Variants in FUS observed in about 807,000 individuals in gnomAD.
FUS encodes RNA-binding protein FUS.
Under a neutral mutation model 82.7 loss-of-function variants are expected in FUS, and 5 were observed. That is an observed-to-expected ratio of 0.06 (90% CI 0.03 to 0.13). The LOEUF is 0.13. Among genes scored for constraint, FUS ranks in the 10% least tolerant of loss-of-function variants. The pLI is 1.00. For synonymous variants in FUS, 281 were observed against 247.4 expected, an observed-to-expected ratio of 1.14 and a Z score of -1.27; for missense variants, 512 against 707.8, an observed-to-expected ratio of 0.72 and a Z score of 3.14.
chr16:31,193,788 T>C (rs1399923325), downstream of FUS: 1 of 523,136 alleles, frequency 1.9e-6, no homozygotes, highest in East Asian at 4.0e-5. Context: ...GCTTCCTCGC[T>C]ACCACACCTG....
Position 31,186,832 on chromosome 16 carries a change from T to C in FUS, c.795T>C (p.Phe265=), listed in dbSNP as rs778939000. 2 of 1,614,040 alleles carry C rather than the reference T, an allele frequency of 1.2e-6. No homozygotes were observed. Among genetic ancestry groups the C allele is most frequent in the South Asian group, 2.2e-5 (2 of 91,084 alleles). ...GTGACCGTGGTGGCTTCAATAAATT[T>C]GGTGGTAAGTGAACAGAGTTTCCAA... ...GGSDRGGFNK[F]GGPRDQGSRH... Residue 265 remains phenylalanine (F), a synonymous_variant, in exon 7 of 15, where the codon TTT becomes TTC. Coordinates refer to ENST00000254108, the MANE Select transcript of FUS (RefSeq NM_004960.4).
chr16:31,193,843 T>G (rs2079391000), downstream of FUS: 5 of 522,558 alleles, frequency 9.6e-6, no homozygotes, highest in Non-Finnish European at 1.9e-5. Flanking sequence ...AGAAACAGGG[T>G]TTCACTGGGT....
At chr16:31,194,669 T>C (rs193018950), downstream of FUS, 318 of 487,630 alleles carry the variant, frequency 6.5e-4, 2 homozygotes, top group Middle Eastern at 5.5e-3. Flanking sequence ...TTTCTGTACA[T>C]GTACACATTG....
rs898846053 is a variant in FUS, at chr16:31,191,042, T to C, written c.1473T>C (p.Arg491=). The change falls in exon 14 of 15, where the codon CGT becomes CGC. Residue 491 remains arginine (R), a synonymous_variant. Transcript: ENST00000254108. ...GCTACCGGGGCCGCGGCGGGGACCG[T>C]GGAGGCTTCCGAGGGGGCCGGGGTG... The part of the protein sequence containing the change: ...RGGYRGRGGD[R]GGFRGGRGGG... The C allele has an allele frequency of 2.5e-6, 4 of 1,613,018 alleles. No homozygotes were observed. In the African/African-American group the frequency reaches 5.4e-5, roughly 22 times the overall value.
chr16:31,180,226 C>T lies in FUS; in HGVS notation c.12C>T (p.Asn4=). 1.2e-6 allele frequency: 2 copies of T among 1,610,962 alleles called. No homozygotes were observed. The highest frequency in any genetic ancestry group is 1.3e-5 in the African/African-American group (1 of 75,024). Residue 4 remains asparagine (N), a splice_region_variant and synonymous_variant, in exon 1 of 15, where the codon AAC becomes AAT. Coordinates refer to ENST00000254108, the MANE Select transcript of FUS (RefSeq NM_004960.4). ...GCGCGTGCGCGGACATGGCCTCAAA[C>T]GGTAGGTAAGGGCGCGAGGCGACGG... is the stretch of plus-strand genomic sequence containing the variant. MAS[N]DYTQQATQSY...
intron 3 of FUS, 119 bp downstream of exon 3, chr16:31,182,783 C>G (rs760219658): frequency 3.3e-6 from 4 of 1,214,930 alleles, no homozygotes; most frequent in African/African-American, 3.0e-5. Context: ...GTGGTGCTGT[C>G]TCAGCTCACT....
chr16:31,190,681 C>T, intron 12 of FUS, 61 bp from the exon 13 acceptor site: 4 of 1,471,038 alleles, frequency 2.7e-6, no homozygotes, highest in South Asian at 1.1e-5. Context: ...TAGTTTCTTC[C>T]TAGTTCTAGG....
At chr16:31,180,440 C>T (rs1165765005) in intron 1 of FUS, among the ~76,000 whole-genome samples, 5 of 151,780 alleles carry the variant, frequency 3.3e-5, no homozygotes, top group Admixed American at 6.5e-5. Context: ...GAAGTCTTTT[C>T]TTTGCAGTCC....
intron 11 of FUS, 22 bp downstream of exon 11, chr16:31,190,163 G>T (rs755214262): frequency 1.2e-6 from 2 of 1,614,044 alleles, no homozygotes; most frequent in Admixed American, 1.7e-5. Context: ...CCTGCTAGTG[G>T]TGCAGAGGGG....
chr16:31,181,907 T>C (rs1190447912), intron 1 of FUS, among the ~76,000 whole-genome samples: 5 of 152,344 alleles, frequency 3.3e-5, no homozygotes, highest in South Asian at 4.1e-4. Context: ...ACTTTTTCTT[T>C]ATTGTAAGAA....
At chr16:31,189,550 T>G in intron 9 of FUS, 115 bp from the exon 10 acceptor site, 8 of 1,417,082 alleles carry the variant, frequency 5.6e-6, no homozygotes, top group Non-Finnish European at 7.9e-6. Flanking sequence ...AAGAAGTAAC[T>G]GGGAAGAGGG....
chr16:31,188,572 C>T, intron 8 of FUS: 1 of 612,772 alleles, frequency 1.6e-6, no homozygotes. Context: ...TGATTTAGGT[C>T]TGAGAGGACC....
At chr16:31,185,284 C>G (rs964568996) in intron 6 of FUS, 105 bp downstream of exon 6, 16 of 1,342,874 alleles carry the variant, frequency 1.2e-5, no homozygotes, top group Non-Finnish European at 1.5e-5. Context: ...TTCTTGTTGT[C>G]TAGGGATCTG....
chr16:31,182,582 G>T lies in FUS; in HGVS notation c.108G>T (p.Gln36His). The T allele has an allele frequency of 1.2e-6, 2 of 1,614,206 alleles. No individual in the cohort carries two copies. Among genetic ancestry groups the T allele is most frequent in the Non-Finnish European group, 1.7e-6 (2 of 1,180,034 alleles). Residue 36 changes from glutamine (Q) to histidine (H), a missense_variant, in exon 3 of 15, where the codon CAG (glutamine) becomes CAT (histidine). Around this residue, in one of 6 missense-constraint regions of FUS, gnomAD observed 276 missense variants for 303.3 expected, o/e 0.91. Coordinates refer to ENST00000254108, the MANE Select transcript of FUS (RefSeq NM_004960.4). ...AGAGCAGTCAGCCCTACGGACAGCAGAGTTACAGTGGTTATAGCCAGTCCA... is the reference window on the plus strand; with the variant it reads ...AGAGCAGTCAGCCCTACGGACAGCATAGTTACAGTGGTTATAGCCAGTCCA... ...SQQSSQPYGQ[Q>H]SYSGYSQSTD...
chr16:31,193,313 T>C (rs1346603965), downstream of FUS: 1 of 520,244 alleles, frequency 1.9e-6, no homozygotes, highest in Non-Finnish European at 3.7e-6. Context: ...AAACAAAGGA[T>C]CGTCAAGTGG....
intron 6 of FUS, chr16:31,185,510 C>T: frequency 1.7e-6 from 1 of 585,394 alleles, no homozygotes; most frequent in South Asian, 1.5e-5. Flanking sequence ...TCTTTCTCTG[C>T]AAGGGAAACC....
chr16:31,193,792 A>T (rs1328871675), downstream of FUS: 2 of 515,712 alleles, frequency 3.9e-6, no homozygotes, highest in Admixed American at 2.4e-5. Context: ...CCTCGCTACC[A>T]CACCTGGGTA....
Position 31,190,294 on chromosome 16 carries a change from C to G in FUS, c.1188C>G (p.Gly396=), listed in dbSNP as rs41292384. ...RGRGGPMGRG[G]YGGGGSGGGG... is the part of the protein sequence containing the mutation. ...CATTAGGACCCATGGGCCGTGGAGGCTATGGAGGTGGTGGCAGTGGTGGTG... is the reference window on the plus strand; with the variant it reads ...CATTAGGACCCATGGGCCGTGGAGGGTATGGAGGTGGTGGCAGTGGTGGTG... Residue 396 remains glycine, a synonymous_variant, in exon 12 of 15, where the codon GGC becomes GGG. Transcript: ENST00000254108. 1.1e-5 allele frequency: 18 copies of G among 1,614,036 alleles called. No homozygotes were observed. The highest frequency in any genetic ancestry group is 1.5e-5 in the Non-Finnish European group (18 of 1,179,996).
intron 1 of FUS, among the ~76,000 whole-genome samples, chr16:31,180,947 C>G (rs964719267): frequency 6.6e-6 from 1 of 151,734 alleles, no homozygotes; most frequent in African/African-American, 2.4e-5. Context: ...CGGTCTTCCT[C>G]TGTCGCCCAG....
Sources: gnomAD v4.1 joint callset for allele counts (sites outside exome capture counted in the v4.1 genomes callset) on GRCh38, gnomAD v4.1.1 for gene constraint, gnomAD v4.1.1 regional missense constraint, MANE v1.5 for transcripts, NCBI Gene and HGNC (gene_info 2026-07-23, HGNC 2026-07-21) for gene names.